AGTRAP: variants seen among roughly 807,000 people sequenced by gnomAD.
The protein encoded by AGTRAP is type-1 angiotensin II receptor-associated protein.
In AGTRAP, 7 loss-of-function variants were observed where a neutral mutation model predicts 15.2. The observed-to-expected ratio is 0.46, with a 90% CI of 0.26 to 0.87. The LOEUF is 0.87. Among genes scored for constraint, AGTRAP ranks in the 40% least tolerant of loss-of-function variants. The probability of loss-of-function intolerance (pLI) is 0.15; values close to 1 mark genes in which losing one functional copy is unlikely to be tolerated. For synonymous variants in AGTRAP, 74 were observed against 89.6 expected (o/e 0.83, Z 0.98); for missense variants, 187 against 213.4 (o/e 0.88, Z 0.77).
intron 1 of AGTRAP, among the ~76,000 whole-genome samples, chr1:11,737,987 G>A (rs567658470): frequency 6.6e-6 from 1 of 152,288 alleles, no homozygotes; most frequent in East Asian, 1.9e-4. Context: ...ACAACGAACA[G>A]TTTTTTAGTA....
intron 4 of AGTRAP, among the ~76,000 whole-genome samples, chr1:11,749,361 G>A (rs976377646): frequency 5.9e-5 from 9 of 152,248 alleles, no homozygotes; most frequent in African/African-American, 1.7e-4. Context: ...CCACCAGCTG[G>A]TTGAGGGTGG....
intron 1 of AGTRAP, among the ~76,000 whole-genome samples, chr1:11,736,947 C>T (rs1452329828): frequency 6.6e-6 from 1 of 152,130 alleles, no homozygotes; most frequent in Non-Finnish European, 1.5e-5. Context: ...GCTCCATTTG[C>T]ATTAGAGGGG....
chr1:11,747,399 G>T, intron 2 of AGTRAP, 41 bp from the exon 3 acceptor site: 1 of 1,576,698 alleles, frequency 6.3e-7, no homozygotes, highest in African/African-American at 1.3e-5. Flanking sequence ...GACCTGCGGG[G>T]TGGTGGCCTC....
Position 11,745,419 on chromosome 1 carries a change from C to G in AGTRAP, c.28-384C>G, listed in dbSNP as rs940260366. ...TTTATGACCTGTACCTTGTGCTGAC[C>G]TCCTGTCTCATCCTGTGACTTAGAA... On this transcript the variant is annotated intron_variant, in intron 1 of 4. Coordinates refer to ENST00000314340, the MANE Select transcript of AGTRAP (RefSeq NM_020350.5). This position sits in a 1 kb window ranked among gnomAD's most constrained non-coding sequence, Gnocchi z 4.2. Among the ~76,000 whole-genome samples the G allele has an allele frequency of 6.6e-6, 1 of 152,166 alleles. No homozygotes were observed. Among genetic ancestry groups the G allele is most frequent in the Non-Finnish European group, 1.5e-5 (1 of 68,022 alleles).
chr1:11,739,176 T>G (rs1641968261), intron 1 of AGTRAP, among the ~76,000 whole-genome samples: 1 of 152,062 alleles, frequency 6.6e-6, no homozygotes, highest in South Asian at 2.1e-4. Context: ...ATTTCTTCAT[T>G]GTAAAAAGAA....
chr1:11,748,782 C>T (rs1439903961), intron 4 of AGTRAP, among the ~76,000 whole-genome samples, 172 bp downstream of exon 4: 1 of 152,210 alleles, frequency 6.6e-6, no homozygotes, highest in East Asian at 1.9e-4. Flanking sequence ...CTCCTAGTCT[C>T]TGCTGCAGGA....
intron 4 of AGTRAP, 93 bp from the exon 5 acceptor site, chr1:11,749,984 G>A (rs1227686821): frequency 2.1e-6 from 2 of 945,054 alleles, no homozygotes; most frequent in African/African-American, 3.2e-5. Flanking sequence ...CCCAGCCCGA[G>A]GGTGGCGGGG....
intron 1 of AGTRAP, among the ~76,000 whole-genome samples, chr1:11,743,219 C>G (rs1265275426): frequency 6.6e-6 from 1 of 152,114 alleles, no homozygotes; most frequent in African/African-American, 2.4e-5. Context: ...CTGCAGCTGC[C>G]TGCCCTCCCA....
chr1:11,746,071 A>C, intron 2 of AGTRAP: 1 of 1,552,902 alleles, frequency 6.4e-7, no homozygotes. Context: ...CCCCACAGTG[A>C]GGCCTCAGCA....
intron 1 of AGTRAP, among the ~76,000 whole-genome samples, chr1:11,736,734 C>T (rs1641908508): frequency 6.6e-6 from 1 of 152,258 alleles, no homozygotes; most frequent in African/African-American, 2.4e-5. Context: ...GTTTACACAT[C>T]CAGCGCCCTT....
At chr1:11,748,007 G>A (rs533116798) in intron 3 of AGTRAP, among the ~76,000 whole-genome samples, 1 of 152,146 alleles carries the variant, frequency 6.6e-6, no homozygotes, top group Non-Finnish European at 1.5e-5. Flanking sequence ...GAGCCCCGTG[G>A]GGCAGTGAGC....
chr1:11,747,818 C>T lies in AGTRAP; in HGVS notation c.168+273C>T, dbSNP rs552639085. On this transcript the variant is annotated intron_variant, in intron 3 of 4. Coordinates refer to ENST00000314340, the MANE Select transcript of AGTRAP (RefSeq NM_020350.5). ...CATGGGGTGGGTCCCACCAGTGCCT[C>T]GGATTAGCCACTTCGCAAGAGCAGT... Among the ~76,000 whole-genome samples the T allele has an allele frequency of 2.0e-5, 3 of 152,352 alleles. No homozygotes were observed. In the South Asian group the frequency reaches 6.2e-4, roughly 32 times the overall value.
At chr1:11,739,921 C>T (rs1641987940) in intron 1 of AGTRAP, among the ~76,000 whole-genome samples, 1 of 152,244 alleles carries the variant, frequency 6.6e-6, no homozygotes, top group Admixed American at 6.5e-5. Flanking sequence ...GAGCCTGAGG[C>T]CTTGGCGCCT....
intron 1 of AGTRAP, among the ~76,000 whole-genome samples, chr1:11,743,896 G>A (rs12734579): frequency 6.6e-6 from 1 of 152,144 alleles, no homozygotes; most frequent in Non-Finnish European, 1.5e-5. Context: ...GTGCTTTCCA[G>A]TCAGGGCCTT....
chr1:11,738,481 G>A (rs1641951452), intron 1 of AGTRAP, among the ~76,000 whole-genome samples: 1 of 152,186 alleles, frequency 6.6e-6, no homozygotes, highest in African/African-American at 2.4e-5. Context: ...GGTGGTCTAG[G>A]AGGTAGTCGT....
chr1:11,750,050 T>C, intron 4 of AGTRAP, 27 bp from the exon 5 acceptor site: 1 of 1,584,870 alleles, frequency 6.3e-7, no homozygotes, highest in Non-Finnish European at 8.7e-7. Context: ...TTCATTTTTC[T>C]TTCCCACCAT....
chr1:11,748,260 G>A (rs1642219918), intron 3 of AGTRAP, among the ~76,000 whole-genome samples, 155 bp from the exon 4 acceptor site: 1 of 152,174 alleles, frequency 6.6e-6, no homozygotes, highest in Non-Finnish European at 1.5e-5. Context: ...TCAGCCAGCG[G>A]CTCCCCAGCG....
intron 2 of AGTRAP, chr1:11,746,069 TG>T: frequency 6.5e-7 from 1 of 1,547,870 alleles, no homozygotes; most frequent in Non-Finnish European, 8.9e-7. Flanking sequence ...TGCCCCACAG[TG>T]AGGCCTCAGC....
chr1:11,745,967 T>A lies in AGTRAP; in HGVS notation c.62+130T>A. The stretch of plus-strand genomic sequence containing the variant: ...CAGACAGCTCTGCCTCTCCGGGTCT[T>A]GATTTCCGTCTGTACAATAGGCATA... On this transcript the variant is annotated intron_variant, in intron 2 of 4. Transcript: ENST00000314340. This position sits in a 1 kb window ranked among gnomAD's most constrained non-coding sequence, Gnocchi z 4.2. 7.2e-7 allele frequency: 1 copy of A among 1,392,214 alleles called. No individual in the cohort carries two copies. The highest frequency in any genetic ancestry group is 1.0e-6 in the Non-Finnish European group (1 of 979,636). 86.2% of individuals were successfully genotyped at this position (1,392,214 alleles called of 1,614,324 possible).
Sources: gnomAD v4.1 joint callset for allele counts (sites outside exome capture counted in the v4.1 genomes callset) on GRCh38, gnomAD v4.1.1 for gene constraint, Gnocchi (gnomAD v3.1) non-coding constraint, MANE v1.5 for transcripts, NCBI Gene and HGNC (gene_info 2026-07-23, HGNC 2026-07-21) for gene names.